CHST9: variants seen among roughly 807,000 people sequenced by gnomAD.
The protein encoded by CHST9 is carbohydrate sulfotransferase 9.
Under a neutral mutation model 44.4 loss-of-function variants are expected in CHST9, and 41 were observed. That is an observed-to-expected ratio of 0.92 (90% confidence interval 0.72 to 1.20). CHST9 has a LOEUF of 1.20. Ranked by LOEUF, CHST9 falls within the 50% of genes most tolerant of loss-of-function variation. The pLI, the probability that CHST9 is intolerant of heterozygous loss-of-function variation, is 0.00. For missense variants in CHST9, 504 were observed against 516.5 expected (o/e 0.98, Z 0.23); for synonymous variants, 171 against 178.4 (o/e 0.96, Z 0.33).
intron 2 of CHST9, among the ~76,000 whole-genome samples, chr18:27,115,958 T>C (rs1471763435): frequency 2.0e-5 from 3 of 152,228 alleles, no homozygotes; most frequent in Non-Finnish European, 4.4e-5. Context: ...GAAATGTCTA[T>C]TCAGATCCTT....
At chr18:27,092,857 A>C (rs1193878522) in intron 2 of CHST9, among the ~76,000 whole-genome samples, 1 of 152,208 alleles carries the variant, frequency 6.6e-6, no homozygotes, top group African/African-American at 2.4e-5. Flanking sequence ...GAAGTGCTTT[A>C]CTTCCAATTA....
intron 1 of CHST9, among the ~76,000 whole-genome samples, chr18:27,149,414 G>A (rs55866164): frequency 0.42 from 63,729 of 151,700 alleles, 13,916 homozygotes; most frequent in East Asian, 0.62. Flanking sequence ...CGGTATAGAC[G>A]TACCACATTT....
intron 3 of CHST9, 132 bp from the exon 4 acceptor site, chr18:27,024,289 G>T: frequency 1.5e-6 from 1 of 687,180 alleles, no homozygotes; most frequent in East Asian, 2.8e-5. Flanking sequence ...GAAGGGAGAG[G>T]GTCATGAAAT....
At chr18:27,032,420 A>T (rs1161649489) in intron 3 of CHST9, among the ~76,000 whole-genome samples, 1 of 152,226 alleles carries the variant, frequency 6.6e-6, no homozygotes, top group South Asian at 2.1e-4. Flanking sequence ...TAATACTACT[A>T]ATAAAAATAC....
chr18:26,990,540 T>C (rs2056804522), intron 4 of CHST9, among the ~76,000 whole-genome samples: 1 of 152,250 alleles, frequency 6.6e-6, no homozygotes, highest in African/African-American at 2.4e-5. Context: ...CAATGGCTTT[T>C]TGGTAGTGAG....
intron 5 of CHST9, among the ~76,000 whole-genome samples, chr18:26,917,970 A>G (rs2055569120): frequency 6.6e-6 from 1 of 152,112 alleles, no homozygotes; most frequent in African/African-American, 2.4e-5. Flanking sequence ...TCTCATTCAC[A>G]TATGAGACCT....
intron 4 of CHST9, among the ~76,000 whole-genome samples, chr18:26,962,658 G>T (rs2056415295): frequency 6.6e-6 from 1 of 152,072 alleles, no homozygotes; most frequent in African/African-American, 2.4e-5. Context: ...TGTTTCCTTT[G>T]GGACATTTAC....
intron 3 of CHST9, among the ~76,000 whole-genome samples, chr18:27,045,543 A>AT (rs1319373077): frequency 6.6e-6 from 1 of 152,026 alleles, no homozygotes; most frequent in African/African-American, 2.4e-5. Flanking sequence ...AATTGATGAC[A>AT]TCAGGTATTT....
chr18:27,103,793 T>C (rs969369274), intron 2 of CHST9, among the ~76,000 whole-genome samples: 2 of 152,176 alleles, frequency 1.3e-5, no homozygotes, highest in African/African-American at 4.8e-5. Flanking sequence ...TAATTAATTG[T>C]AATAACCAAC....
intron 2 of CHST9, among the ~76,000 whole-genome samples, chr18:27,106,758 T>C (rs957115771): frequency 1.3e-5 from 2 of 152,242 alleles, no homozygotes; most frequent in African/African-American, 4.8e-5. Flanking sequence ...TTTTCTTTCT[T>C]AATTTTGATA....
chr18:27,035,736 T>G (rs6508465), intron 3 of CHST9, among the ~76,000 whole-genome samples: 61,362 of 151,960 alleles, frequency 0.4, 12,725 homozygotes, highest in East Asian at 0.5. Context: ...ATTATACGTA[T>G]AATCTAAAAT....
intron 2 of CHST9, among the ~76,000 whole-genome samples, chr18:27,052,698 T>G (rs1433526329): frequency 6.6e-6 from 1 of 152,160 alleles, no homozygotes; most frequent in Non-Finnish European, 1.5e-5. Context: ...CCAGTGATGA[T>G]GAGCTTAATG....
intron 2 of CHST9, among the ~76,000 whole-genome samples, chr18:27,141,591 CAAAAAAAAAAA>C (rs34920055): frequency 6.0e-5 from 3 of 50,098 alleles, no homozygotes; most frequent in Non-Finnish European, 1.1e-4. Flanking sequence ...AATCCCGACT[CAAAAAAAAAAA>C]AAAAAAAAAA....
At chr18:27,048,359 T>C in intron 3 of CHST9, 106 bp downstream of exon 3, 1 of 842,672 alleles carries the variant, frequency 1.2e-6, no homozygotes, top group South Asian at 1.7e-5. Context: ...TCAAAAACCA[T>C]AAACTATTAA....
intron 1 of CHST9, among the ~76,000 whole-genome samples, chr18:27,169,176 A>T (rs150748526): frequency 6.6e-6 from 1 of 152,250 alleles, no homozygotes; most frequent in African/African-American, 2.4e-5. Context: ...CATACTCTTA[A>T]CTCATAGAAA....
At chr18:26,970,498 G>A (rs1436677195) in intron 4 of CHST9, among the ~76,000 whole-genome samples, 2 of 152,080 alleles carry the variant, frequency 1.3e-5, no homozygotes, top group Admixed American at 6.5e-5. Context: ...GCACAGTCTC[G>A]GCTCACTGCA....
At chr18:27,178,134 C>T (rs529135920) in intron 1 of CHST9, among the ~76,000 whole-genome samples, 12 of 151,966 alleles carry the variant, frequency 7.9e-5, no homozygotes, top group Admixed American at 7.9e-4. Context: ...GAACAATACA[C>T]AGAAAACAAT....
At chr18:27,182,530 T>C (rs1268029854) in intron 1 of CHST9, among the ~76,000 whole-genome samples, 1 of 152,144 alleles carries the variant, frequency 6.6e-6, no homozygotes, top group East Asian at 1.9e-4. Flanking sequence ...CATATTTGAG[T>C]GAAAAGAATT....
At chr18:27,000,175 C>T (rs17702543) in intron 4 of CHST9, among the ~76,000 whole-genome samples, 2,687 of 152,278 alleles carry the variant, frequency 0.018, 47 homozygotes, top group South Asian at 0.074. Context: ...ATATCCACCC[C>T]GGTTTTCAAA....
Sources: allele counts gnomAD v4.1 joint callset (sites outside exome capture counted in the v4.1 genomes callset), GRCh38; gene constraint gnomAD v4.1.1; transcripts MANE v1.5; gene names NCBI Gene and HGNC (gene_info 2026-07-23, HGNC 2026-07-21).